ADCY3: variants seen among roughly 807,000 people sequenced by gnomAD.
The protein encoded by ADCY3 is adenylate cyclase type 3.
In ADCY3, 70 loss-of-function variants were observed where a neutral mutation model predicts 119.4. The ratio of observed to expected loss-of-function variants is 0.59; its 90% CI spans 0.48 to 0.72. The LOEUF is 0.72. Among genes scored for constraint, ADCY3 ranks in the 30% least tolerant of loss-of-function variants. The pLI is 0.00. For missense variants in ADCY3, 1,238 were observed against 1,541.6 expected (o/e 0.80, Z 3.30); for synonymous variants, 672 against 621.4 (o/e 1.08, Z -1.21).
At position 24,919,097 on chromosome 2, in the gene ADCY3, C is replaced by T; in HGVS notation, c.-110G>A. The T allele has an allele frequency of 4.1e-6, 5 of 1,212,970 alleles. No homozygotes were observed. The highest frequency in any genetic ancestry group is 5.6e-6 in the Non-Finnish European group (5 of 894,826). 75.1% of individuals were successfully genotyped at this position (1,212,970 alleles called of 1,614,324 possible). A position where few individuals can be genotyped will look rare whatever the true frequency, so the allele number is the denominator to read the frequency against. On this transcript the variant is annotated 5_prime_UTR_variant, in exon 2 of 22. Transcript: ENST00000679454. This position sits in a 1 kb window ranked among gnomAD's most constrained non-coding sequence, Gnocchi z 5.5. ...CTGAGACCGGGGGAGGGCTGAGGGC[C>T]TCTTCTTGTCTGGGGCGGAGGGGAG...
chr2:24,911,262 C>T (rs1468865306), intron 2 of ADCY3, among the ~76,000 whole-genome samples: 1 of 145,512 alleles, frequency 6.9e-6, no homozygotes, highest in African/African-American at 2.6e-5. Context: ...TCACTGTTCC[C>T]CAGGCTGCAG....
chr2:24,827,058 C>G (rs534100078), intron 15 of ADCY3, among the ~76,000 whole-genome samples: 1 of 152,234 alleles, frequency 6.6e-6, no homozygotes, highest in South Asian at 2.1e-4. Context: ...AGGTTTTACC[C>G]CTCTTCTATT....
At chr2:24,901,231 C>T (rs568624817) in intron 2 of ADCY3, among the ~76,000 whole-genome samples, 323 of 152,316 alleles carry the variant, frequency 2.1e-3, no homozygotes, top group African/African-American at 7.4e-3. Flanking sequence ...TGACGTTACA[C>T]GTGCCGCAGG....
At chr2:24,846,604 G>A (rs1278098995) in intron 3 of ADCY3, among the ~76,000 whole-genome samples, 1 of 143,434 alleles carries the variant, frequency 7.0e-6, no homozygotes, top group East Asian at 2.0e-4. Flanking sequence ...TTGAGACGAA[G>A]TCTCGCTCTT....
At chr2:24,907,016 A>T (rs1390606652) in intron 2 of ADCY3, among the ~76,000 whole-genome samples, 2 of 152,170 alleles carry the variant, frequency 1.3e-5, no homozygotes, top group African/African-American at 4.8e-5. Flanking sequence ...CTGTAATCCC[A>T]GCTACTCGGA....
chr2:24,911,366 C>A (rs1663617768), intron 2 of ADCY3, among the ~76,000 whole-genome samples: 1 of 151,238 alleles, frequency 6.6e-6, no homozygotes, highest in Non-Finnish European at 1.5e-5. Flanking sequence ...ACACCATCAG[C>A]CTGGGCGCTG....
rs1025762396 is a variant in ADCY3, at chr2:24,819,251, G to A, written c.*681C>T. ...ATTCTCTTAAAGCAGTAGCAAAGGC[G>A]ACTGTAGCAAGAGCTCAAAAGGCAA... On this transcript the variant is annotated 3_prime_UTR_variant, in exon 22 of 22. Transcript: ENST00000679454. 4 of 152,734 alleles carry A rather than the reference G, an allele frequency of 2.6e-5. No individual in the cohort carries two copies. In the East Asian group the frequency reaches 7.7e-4, roughly 29 times the overall value. 9.5% of individuals were successfully genotyped at this position (152,734 alleles called of 1,614,324 possible).
At chr2:24,915,998 G>A (rs1368879583) in intron 2 of ADCY3, among the ~76,000 whole-genome samples, 1 of 152,152 alleles carries the variant, frequency 6.6e-6, no homozygotes, top group Non-Finnish European at 1.5e-5. Context: ...GTAAGCTGGG[G>A]CCTCCTGCCT....
rs1379578638 is a variant in ADCY3, at chr2:24,819,684, G to C, written c.*248C>G. On this transcript the variant is annotated 3_prime_UTR_variant, in exon 22 of 22. Coordinates refer to ENST00000679454, the MANE Select transcript of ADCY3 (RefSeq NM_004036.5). Reference sequence around the variant, plus strand: ...TCAGGGGCAAGGACGGCAGGGATTGGAACGAGGGCTCTGGAAGGACTGTTC... The same window carrying C: ...TCAGGGGCAAGGACGGCAGGGATTGCAACGAGGGCTCTGGAAGGACTGTTC... The C allele has an allele frequency of 7.1e-6, 3 of 422,106 alleles. No homozygotes were observed. The highest frequency in any genetic ancestry group is 8.2e-5 in the Admixed American group (2 of 24,290). The allele number at this position is 422,106 out of a possible 1,614,324, so 26.1% of individuals were successfully genotyped here. A position where few individuals can be genotyped will look rare whatever the true frequency, so the allele number is the denominator to read the frequency against.
In ADCY3 at chr2:24,838,629, T is replaced by G. The variant is rs1191585018; in HGVS notation, c.1356-7A>C. On this transcript the variant is annotated splice_region_variant and splice_polypyrimidine_tract_variant and intron_variant, in intron 7 of 21. Transcript: ENST00000679454. ...CTGGGAGATGTGCACGCGCCTGGAT[T>G]GCAGAGAGAGAGGCCCTGAGCGTCG... 1.2e-6 allele frequency: 2 copies of G among 1,613,512 alleles called. No homozygotes were observed. The highest frequency in any genetic ancestry group is 3.3e-5 in the Admixed American group (2 of 60,022).
At chr2:24,908,043 C>T (rs189324540) in intron 2 of ADCY3, among the ~76,000 whole-genome samples, 10 of 148,868 alleles carry the variant, frequency 6.7e-5, no homozygotes, top group Non-Finnish European at 1.0e-4. Flanking sequence ...ACAAATGAGC[C>T]AAGCGTGATG....
At chr2:24,916,010 C>T (rs904319388) in intron 2 of ADCY3, among the ~76,000 whole-genome samples, 9 of 152,208 alleles carry the variant, frequency 5.9e-5, no homozygotes, top group African/African-American at 1.7e-4. Context: ...CTCCTGCCTT[C>T]GATCTCAGGC....
chr2:24,871,134 ATT>A (rs11433494), intron 3 of ADCY3, among the ~76,000 whole-genome samples: 3 of 148,738 alleles, frequency 2.0e-5, no homozygotes, highest in Non-Finnish European at 3.0e-5. Flanking sequence ...TGACACATGC[ATT>A]TTTTTTTTTT....
chr2:24,870,964 C>T (rs138089644), intron 3 of ADCY3, among the ~76,000 whole-genome samples: 87 of 152,284 alleles, frequency 5.7e-4, no homozygotes, highest in African/African-American at 1.8e-3. Flanking sequence ...GGGTGAAACA[C>T]AGGGCCTTCC....
chr2:24,908,961 C>G (rs1298643097), intron 2 of ADCY3, among the ~76,000 whole-genome samples: 2 of 152,188 alleles, frequency 1.3e-5, no homozygotes, highest in Non-Finnish European at 2.9e-5. Context: ...ATTCTACACA[C>G]TCTCCCCAGG....
At chr2:24,915,594 G>A (rs1488433981) in intron 2 of ADCY3, among the ~76,000 whole-genome samples, 1 of 152,198 alleles carries the variant, frequency 6.6e-6, no homozygotes, top group Admixed American at 6.5e-5. Context: ...AGGCTGGAGT[G>A]CAGTGGTGCG....
Position 24,819,787 on chromosome 2 carries a change from A to G in ADCY3, c.*145T>C. On this transcript the variant is annotated 3_prime_UTR_variant, in exon 22 of 22. Coordinates refer to ENST00000679454, the MANE Select transcript of ADCY3 (RefSeq NM_004036.5). ...TAGCAGGGCCACCCTCAGAGCTCAC[A>G]CATCCACGAACAAATGAAGGCTGAG... 1.2e-6 allele frequency: 1 copy of G among 845,996 alleles called. No individual in the cohort carries two copies. The highest frequency in any genetic ancestry group is 1.8e-6 in the Non-Finnish European group (1 of 547,772). The allele number at this position is 845,996 out of a possible 1,614,324, so 52.4% of individuals were successfully genotyped here.
At chr2:24,828,342 G>A (rs1668920289) in intron 13 of ADCY3, among the ~76,000 whole-genome samples, 181 bp from the exon 14 acceptor site, 1 of 152,216 alleles carries the variant, frequency 6.6e-6, no homozygotes. Flanking sequence ...CTGCAGCTAA[G>A]AGCCTCGCCG....
At chr2:24,837,172 G>A (rs1363321415) in intron 8 of ADCY3, 127 bp from the exon 9 acceptor site, 7 of 1,141,276 alleles carry the variant, frequency 6.1e-6, no homozygotes, top group Non-Finnish European at 8.5e-6. Flanking sequence ...GAACTTGCTT[G>A]TGGATTGCAA....
Sources: gnomAD v4.1 joint callset for allele counts (sites outside exome capture counted in the v4.1 genomes callset) on GRCh38, gnomAD v4.1.1 for gene constraint, Gnocchi (gnomAD v3.1) non-coding constraint, MANE v1.5 for transcripts, NCBI Gene and HGNC (gene_info 2026-07-23, HGNC 2026-07-21) for gene names.